MAST4: variants seen among roughly 807,000 people sequenced by gnomAD.
MAST4 encodes the protein microtubule associated serine/threonine kinase family member 4.
Under a neutral mutation model 162.7 loss-of-function variants are expected in MAST4, and 89 were observed. That is an observed-to-expected ratio of 0.55 (90% CI 0.46 to 0.65). The LOEUF is 0.65. Among genes scored for constraint, MAST4 ranks in the 30% least tolerant of loss-of-function variants. The probability of loss-of-function intolerance (pLI) is 0.00; values close to 1 mark genes in which losing one functional copy is unlikely to be tolerated. For synonymous variants in MAST4, 1,479 were observed against 1,361.1 expected, an observed-to-expected ratio of 1.09 and a Z score of -1.91; for missense variants, 3,153 against 3,374.0, an observed-to-expected ratio of 0.93 and a Z score of 1.62.
intron 2 of MAST4, among the ~76,000 whole-genome samples, chr5:66,768,994 G>A (rs1754239328): frequency 6.6e-6 from 1 of 152,126 alleles, no homozygotes; most frequent in Non-Finnish European, 1.5e-5. Flanking sequence ...GGTTATATGG[G>A]AATTGAGAAG....
chr5:66,703,894 A>G (rs1189559630), intron 1 of MAST4, among the ~76,000 whole-genome samples: 1 of 152,206 alleles, frequency 6.6e-6, no homozygotes, highest in East Asian at 1.9e-4. Context: ...TTGAGTCACA[A>G]ACTTTTATAG....
intron 4 of MAST4, among the ~76,000 whole-genome samples, chr5:67,010,621 C>G (rs1371241806): frequency 1.3e-5 from 2 of 152,120 alleles, no homozygotes; most frequent in Non-Finnish European, 2.9e-5. Flanking sequence ...TAAAGATACC[C>G]CGCTTAAGGA....
intron 3 of MAST4, among the ~76,000 whole-genome samples, chr5:66,818,164 G>A (rs1200434197): frequency 6.6e-6 from 1 of 151,886 alleles, no homozygotes; most frequent in East Asian, 1.9e-4. Context: ...ATGACTTTAG[G>A]GTGTTCTTGT....
At chr5:66,786,827 G>T (rs1366015780) in intron 2 of MAST4, among the ~76,000 whole-genome samples, 1 of 152,182 alleles carries the variant, frequency 6.6e-6, no homozygotes, top group Non-Finnish European at 1.5e-5. Context: ...AACCACAGAA[G>T]TTCACTGTCA....
intron 4 of MAST4, among the ~76,000 whole-genome samples, chr5:66,929,823 A>G (rs781030020): frequency 4.5e-4 from 68 of 152,320 alleles, no homozygotes; most frequent in Non-Finnish European, 6.8e-4. Flanking sequence ...TAGACTCTAC[A>G]TGCTAAGGAT....
At chr5:67,134,788 T>C in intron 18 of MAST4, 100 bp downstream of exon 18, 5 of 975,454 alleles carry the variant, frequency 5.1e-6, no homozygotes. Context: ...AATGTTAACC[T>C]TTATCAAACA....
chr5:67,156,111 G>A (rs1160841426), intron 26 of MAST4, among the ~76,000 whole-genome samples: 5 of 151,226 alleles, frequency 3.3e-5, no homozygotes, highest in Non-Finnish European at 7.4e-5. Context: ...TGGGGCAAGC[G>A]CTCTTGATGC....
chr5:67,021,466 AT>A lies in MAST4; in HGVS notation c.675-32937del, dbSNP rs370735762. Among the ~76,000 whole-genome samples, 261 of 152,262 alleles carry A rather than the reference AT, an allele frequency of 1.7e-3. 2 individuals are homozygous for A. The highest frequency in any genetic ancestry group is 6.2e-3 in the African/African-American group (256 of 41,494). On this transcript the variant is annotated intron_variant, in intron 4 of 28. Coordinates refer to ENST00000403625, the MANE Select transcript of MAST4 (RefSeq NM_001164664.2). ...ACATTTGAAAATACGCTAAAAAAAA[AT>A]CATTACAAATTGCAAATACCATATT...
At chr5:67,145,815 C>T (rs950490895) in intron 23 of MAST4, among the ~76,000 whole-genome samples, 1 of 152,192 alleles carries the variant, frequency 6.6e-6, no homozygotes, top group Non-Finnish European at 1.5e-5. Flanking sequence ...TTGAATCACC[C>T]TAAGGCACAG....
chr5:66,857,350 C>T (rs71626448), intron 3 of MAST4, among the ~76,000 whole-genome samples: 15,444 of 152,202 alleles, frequency 0.1, 1,043 homozygotes, highest in Admixed American at 0.15. Context: ...CTGTTACAAA[C>T]GATACTTCAG....
chr5:67,083,979 A>G (rs1198019928), intron 5 of MAST4, among the ~76,000 whole-genome samples: 1 of 152,218 alleles, frequency 6.6e-6, no homozygotes, highest in Non-Finnish European at 1.5e-5. Flanking sequence ...AGTAATAAGG[A>G]AGGGTCAGTG....
chr5:66,937,892 AT>A (rs956428431), intron 4 of MAST4, among the ~76,000 whole-genome samples: 2 of 151,730 alleles, frequency 1.3e-5, no homozygotes, highest in African/African-American at 2.4e-5. Flanking sequence ...GTTAACCCAT[AT>A]TTTTTTATGA....
intron 1 of MAST4, among the ~76,000 whole-genome samples, chr5:66,603,239 G>A (rs1057319798): frequency 2.6e-5 from 4 of 152,172 alleles, no homozygotes; most frequent in East Asian, 1.9e-4. Context: ...GGTACTAACA[G>A]CAAAGCTTTA....
intron 1 of MAST4, among the ~76,000 whole-genome samples, chr5:66,751,023 C>G (rs2432208): frequency 6.6e-6 from 1 of 151,996 alleles, no homozygotes; most frequent in Non-Finnish European, 1.5e-5. Context: ...GAGGCACCCC[C>G]CAGCAGGGGC....
chr5:66,666,660 G>C (rs1315021356), intron 1 of MAST4, among the ~76,000 whole-genome samples: 1 of 152,142 alleles, frequency 6.6e-6, no homozygotes, highest in South Asian at 2.1e-4. Context: ...TCTTTTCAAG[G>C]ACTGCTGTTT....
intron 4 of MAST4, among the ~76,000 whole-genome samples, chr5:66,926,095 T>C (rs1017396878): frequency 1.3e-5 from 2 of 152,142 alleles, no homozygotes; most frequent in African/African-American, 4.8e-5. Context: ...GCATAGGTGA[T>C]GTAGGCTCTC....
At chr5:67,142,292 A>G in intron 20 of MAST4, 55 bp downstream of exon 20, 2 of 1,594,440 alleles carry the variant, frequency 1.3e-6, no homozygotes, top group South Asian at 2.2e-5. Context: ...ATAAATAATT[A>G]TCTTTGCTTT....
intron 1 of MAST4, among the ~76,000 whole-genome samples, chr5:66,686,243 T>C (rs1233985655): frequency 6.6e-6 from 1 of 152,198 alleles, no homozygotes; most frequent in African/African-American, 2.4e-5. Context: ...ACCTCATAGG[T>C]GGCTGTAAGA....
At chr5:67,050,496 C>G (rs1758040063) in intron 4 of MAST4, among the ~76,000 whole-genome samples, 1 of 152,208 alleles carries the variant, frequency 6.6e-6, no homozygotes, top group African/African-American at 2.4e-5. Flanking sequence ...TTTCCCCTTC[C>G]CATTCTTCTC....
Sources: gnomAD v4.1 joint callset for allele counts (sites outside exome capture counted in the v4.1 genomes callset) on GRCh38, gnomAD v4.1.1 for gene constraint, MANE v1.5 for transcripts, NCBI Gene and HGNC (gene_info 2026-07-23, HGNC 2026-07-21) for gene names.